The following RASGRF2 variants were observed in gnomAD, a reference collection of about 807,000 sequenced individuals.
RASGRF2 encodes ras-specific guanine nucleotide-releasing factor 2.
In RASGRF2, 76 loss-of-function variants were observed where a neutral mutation model predicts 151.0. The observed-to-expected ratio is 0.50, with a 90% CI of 0.42 to 0.61. The LOEUF is 0.61. Ranked by LOEUF, RASGRF2 falls within the 20% of genes least tolerant of loss-of-function variation. The pLI is 0.00. For synonymous variants in RASGRF2, 504 were observed against 566.5 expected (o/e 0.89, Z 1.57); for missense variants, 1,148 against 1,564.6 (o/e 0.73, Z 4.49).
At chr5:81,210,979 T>C (rs78805966) in intron 22 of RASGRF2, among the ~76,000 whole-genome samples, 2,845 of 151,968 alleles carry the variant, frequency 0.019, 85 homozygotes, top group African/African-American at 0.064. Context: ...GACCCTGTCT[T>C]TATAAATACA....
intron 17 of RASGRF2, among the ~76,000 whole-genome samples, chr5:81,148,091 G>A (rs1009449722): frequency 2.0e-5 from 3 of 152,058 alleles, no homozygotes; most frequent in Admixed American, 6.6e-5. Flanking sequence ...ATGGATTTAC[G>A]AAGACCTACG....
chr5:80,985,924 G>GGTGTGT (rs57558988), intron 1 of RASGRF2, among the ~76,000 whole-genome samples: 8 of 149,884 alleles, frequency 5.3e-5, no homozygotes, highest in Non-Finnish European at 1.0e-4. Flanking sequence ...TAGGTCTTTA[G>GGTGTGT]GTGTGTGTGT....
intron 17 of RASGRF2, among the ~76,000 whole-genome samples, chr5:81,138,814 A>G (rs1317408812): frequency 1.3e-5 from 2 of 151,498 alleles, no homozygotes; most frequent in African/African-American, 4.9e-5. Flanking sequence ...TTGAAACCTC[A>G]GTTTTCTGGT....
intron 1 of RASGRF2, among the ~76,000 whole-genome samples, chr5:80,973,428 C>T (rs552163803): frequency 1.2e-4 from 18 of 152,202 alleles, no homozygotes; most frequent in Admixed American, 3.9e-4. Context: ...TTCTGGGTAT[C>T]TCATTCCAGT....
At chr5:81,197,004 A>T (rs1374145707) in intron 18 of RASGRF2, among the ~76,000 whole-genome samples, 30 of 146,912 alleles carry the variant, frequency 2.0e-4, no homozygotes, top group Non-Finnish European at 1.0e-4. Context: ...TGTACATTTT[A>T]AAAAACTAAT....
rs1756031362 is a variant in RASGRF2, at chr5:81,227,897, G to A, written c.*2127G>A. On this transcript the variant is annotated 3_prime_UTR_variant, in exon 27 of 27. Transcript: ENST00000265080. Reference sequence around the variant, plus strand: ...TCGGACTCATTTCTTTGACCCAAATGTTCCAGAGACACTGCAGCCATTCTT... The same window carrying A: ...TCGGACTCATTTCTTTGACCCAAATATTCCAGAGACACTGCAGCCATTCTT... The A allele has an allele frequency of 6.6e-6, 1 of 152,134 alleles. No homozygotes were observed. Among genetic ancestry groups the A allele is most frequent in the Non-Finnish European group, 1.5e-5 (1 of 68,024 alleles). 9.4% of individuals were successfully genotyped at this position (152,134 alleles called of 1,614,324 possible). A position where few individuals can be genotyped will look rare whatever the true frequency, so the allele number is the denominator to read the frequency against.
chr5:81,026,544 C>T (rs1482948942), intron 1 of RASGRF2, among the ~76,000 whole-genome samples: 3 of 152,066 alleles, frequency 2.0e-5, no homozygotes, highest in East Asian at 1.9e-4. Context: ...AATGCACGTA[C>T]AAACAGAAAA....
intron 1 of RASGRF2, among the ~76,000 whole-genome samples, chr5:80,974,787 G>A (rs1250487182): frequency 6.6e-6 from 1 of 152,176 alleles, no homozygotes; most frequent in Non-Finnish European, 1.5e-5. Context: ...CAAACTAATA[G>A]TTGCCTGTAT....
At chr5:81,044,817 T>C (rs1418185714) in intron 2 of RASGRF2, among the ~76,000 whole-genome samples, 1 of 152,224 alleles carries the variant, frequency 6.6e-6, no homozygotes, top group African/African-American at 2.4e-5. Context: ...TTATCCTCTT[T>C]ATCACTACAG....
Position 81,042,513 on chromosome 5 carries a change from G to A in RASGRF2, c.289-364G>A, listed in dbSNP as rs570059712. ...AGCTAGTGCAGTGATGTAGACTTCT[G>A]CGTTCCTGCAGCTTTATCACACCAC... On this transcript the variant is annotated intron_variant, in intron 1 of 26. Coordinates refer to ENST00000265080, the MANE Select transcript of RASGRF2 (RefSeq NM_006909.3). Among the ~76,000 whole-genome samples, 58 of 152,348 alleles carry A rather than the reference G, an allele frequency of 3.8e-4. 1 individual carries two copies. Among genetic ancestry groups the A allele is most frequent in the African/African-American group, 1.4e-3 (57 of 41,584 alleles).
intron 2 of RASGRF2, among the ~76,000 whole-genome samples, chr5:81,055,732 A>T (rs1751182540): frequency 6.6e-6 from 1 of 152,190 alleles, no homozygotes; most frequent in South Asian, 2.1e-4. Context: ...TACCTCTGGT[A>T]GAATTCGGCT....
intron 8 of RASGRF2, among the ~76,000 whole-genome samples, 197 bp downstream of exon 8, chr5:81,086,108 AT>A (rs1358590689): frequency 1.3e-5 from 2 of 152,114 alleles, no homozygotes; most frequent in Non-Finnish European, 2.9e-5. Flanking sequence ...AAAAATACGT[AT>A]CTTGGAAAAT....
intron 1 of RASGRF2, among the ~76,000 whole-genome samples, chr5:81,015,303 A>C (rs1251678183): frequency 2.0e-5 from 3 of 152,180 alleles, no homozygotes; most frequent in Non-Finnish European, 4.4e-5. Context: ...TGCTGGGTCA[A>C]ATGGTATTTC....
chr5:81,216,353 A>ACACACACACACT (rs1561264495), intron 24 of RASGRF2, among the ~76,000 whole-genome samples: 1 of 129,814 alleles, frequency 7.7e-6, no homozygotes, highest in Non-Finnish European at 1.7e-5. Context: ...CTTTCTACAC[A>ACACACACACACT]CACACACACA....
Position 81,073,323 on chromosome 5 carries a change from A to C in RASGRF2, c.758A>C (p.Glu253Ala), listed in dbSNP as rs1447190557. The change falls in exon 5 of 27, where the codon GAG (glutamate) becomes GCG (alanine). Residue 253 changes from glutamate to alanine, a missense_variant. Transcript: ENST00000265080. The stretch of plus-strand genomic sequence containing the variant: ...AACCAGATTGTGTTCACCATGGTGG[A>C]GGCAGAGTCAGAGTACGTTCACCAG... ...KRNQIVFTMV[E>A]AESEYVHQLY... 6.2e-7 allele frequency: 1 copy of C among 1,614,172 alleles called. No individual in the cohort carries two copies. Among genetic ancestry groups the C allele is most frequent in the African/African-American group, 1.3e-5 (1 of 75,042 alleles).
intron 1 of RASGRF2, among the ~76,000 whole-genome samples, chr5:81,031,697 G>A (rs1750255496): frequency 6.6e-6 from 1 of 152,098 alleles, no homozygotes; most frequent in Non-Finnish European, 1.5e-5. Flanking sequence ...AGAGAAAGCA[G>A]GAAAGATCTA....
chr5:81,080,336 T>A, intron 6 of RASGRF2, 136 bp downstream of exon 6: 2 of 1,463,736 alleles, frequency 1.4e-6, no homozygotes, highest in Non-Finnish European at 1.8e-6. Context: ...CGGGACCCTG[T>A]CTCCTTGCCT....
intron 15 of RASGRF2, among the ~76,000 whole-genome samples, chr5:81,118,160 G>C (rs153231): frequency 6.6e-6 from 1 of 152,054 alleles, no homozygotes; most frequent in Admixed American, 6.5e-5. Flanking sequence ...CATTGCCCCA[G>C]TGAGGACTCT....
chr5:81,210,143 C>G (rs915824911), intron 22 of RASGRF2: 7 of 152,680 alleles, frequency 4.6e-5, no homozygotes, highest in African/African-American at 1.7e-4. Context: ...GAGTCAGGTT[C>G]CAGCCCATGC....
Sources: gnomAD v4.1 joint callset for allele counts (sites outside exome capture counted in the v4.1 genomes callset) on GRCh38, gnomAD v4.1.1 for gene constraint, MANE v1.5 for transcripts, NCBI Gene and HGNC (gene_info 2026-07-23, HGNC 2026-07-21) for gene names.